The following KCNIP4 variants were observed in gnomAD, a reference collection of about 807,000 sequenced individuals.
KCNIP4 encodes the protein potassium voltage-gated channel interacting protein 4.
KCNIP4 carries 12 observed loss-of-function variants against 34.0 expected under a neutral mutation model. The ratio of observed to expected loss-of-function variants is 0.35; its 90% CI spans 0.23 to 0.57. The LOEUF (loss-of-function observed/expected upper bound fraction) is 0.57, where lower values mean the gene tolerates loss of function less well. Among genes scored for constraint, KCNIP4 ranks in the 20% least tolerant of loss-of-function variants. The pLI is 0.83. For synonymous variants in KCNIP4, 124 were observed against 102.2 expected (o/e 1.21, Z -1.29); for missense variants, 238 against 311.7 (o/e 0.76, Z 1.78).
At chr4:21,600,627 T>C (rs1743027870) in intron 1 of KCNIP4, among the ~76,000 whole-genome samples, 1 of 152,096 alleles carries the variant, frequency 6.6e-6, no homozygotes, top group Admixed American at 6.6e-5. Flanking sequence ...AATCAACTTC[T>C]CTTAAAGTTC....
intron 1 of KCNIP4, chr4:21,464,670 C>A (rs1419728620): frequency 1.3e-5 from 2 of 151,990 alleles, no homozygotes; most frequent in Middle Eastern, 6.8e-3. Context: ...CTGTTTTTTT[C>A]TATCACGCCT....
At chr4:20,807,286 G>C (rs769017570) in intron 3 of KCNIP4, among the ~76,000 whole-genome samples, 9 of 152,080 alleles carry the variant, frequency 5.9e-5, no homozygotes, top group East Asian at 1.9e-4. Flanking sequence ...GCTCATGTCA[G>C]TATAAATGGA....
chr4:20,906,792 T>A (rs1491370), intron 1 of KCNIP4, among the ~76,000 whole-genome samples: 1 of 152,080 alleles, frequency 6.6e-6, no homozygotes. Flanking sequence ...TGCCATTGCA[T>A]ATTGTAGTGA....
intron 1 of KCNIP4, among the ~76,000 whole-genome samples, chr4:21,807,614 G>T (rs1406769152): frequency 2.0e-5 from 3 of 152,148 alleles, no homozygotes; most frequent in Non-Finnish European, 4.4e-5. Context: ...TTAATAACCT[G>T]TGGCTTAAGG....
At chr4:20,878,208 C>T (rs1441440883) in intron 2 of KCNIP4, among the ~76,000 whole-genome samples, 1 of 152,158 alleles carries the variant, frequency 6.6e-6, no homozygotes, top group Admixed American at 6.5e-5. Flanking sequence ...TGGTTGGGAA[C>T]ATCAACTGAG....
intron 1 of KCNIP4, among the ~76,000 whole-genome samples, chr4:21,902,432 T>C (rs1331052865): frequency 2.0e-5 from 3 of 152,090 alleles, no homozygotes; most frequent in Non-Finnish European, 4.4e-5. Context: ...TCAAATTTGT[T>C]ATAATATAAA....
intron 1 of KCNIP4, among the ~76,000 whole-genome samples, chr4:21,655,096 C>A (rs1242357729): frequency 6.6e-6 from 1 of 152,056 alleles, no homozygotes; most frequent in Non-Finnish European, 1.5e-5. Context: ...ACGAAAGACC[C>A]AGGGGCCTAA....
At chr4:20,898,870 C>T (rs1256251561) in intron 1 of KCNIP4, among the ~76,000 whole-genome samples, 1 of 152,116 alleles carries the variant, frequency 6.6e-6, no homozygotes, top group Non-Finnish European at 1.5e-5. Flanking sequence ...AGGTACTAGG[C>T]ATTTTACATA....
chr4:21,429,658 T>C (rs1426654140), intron 1 of KCNIP4, among the ~76,000 whole-genome samples: 9 of 152,236 alleles, frequency 5.9e-5, no homozygotes, highest in Non-Finnish European at 1.5e-5. Flanking sequence ...GTGTTCTGGA[T>C]TTTGGTAATT....
At chr4:21,794,749 T>G (rs1240489083) in intron 1 of KCNIP4, among the ~76,000 whole-genome samples, 4 of 152,056 alleles carry the variant, frequency 2.6e-5, no homozygotes. Flanking sequence ...AGTGGTGGCA[T>G]GCACCTGTAA....
chr4:20,891,372 C>T (rs576457393), intron 1 of KCNIP4, among the ~76,000 whole-genome samples: 6 of 152,106 alleles, frequency 3.9e-5, no homozygotes, highest in East Asian at 3.9e-4. Context: ...TTTGGGAGTC[C>T]GAGGCGGGCT....
At chr4:21,015,575 TTAATA>T (rs531908230) in intron 1 of KCNIP4, among the ~76,000 whole-genome samples, 183 of 116,486 alleles carry the variant, frequency 1.6e-3, no homozygotes, top group African/African-American at 6.0e-3. Flanking sequence ...GTATATTGTA[TTAATA>T]TAATATAATA....
intron 1 of KCNIP4, among the ~76,000 whole-genome samples, chr4:20,906,084 C>G (rs1727733518): frequency 7.2e-6 from 1 of 138,558 alleles, no homozygotes; most frequent in African/African-American, 2.6e-5. Context: ...CTCCTTTCTT[C>G]CTTTCTTTTC....
intron 1 of KCNIP4, among the ~76,000 whole-genome samples, chr4:21,583,680 A>G (rs1741403296): frequency 6.6e-6 from 1 of 152,048 alleles, no homozygotes; most frequent in African/African-American, 2.4e-5. Flanking sequence ...AATACCGAAC[A>G]AAGCCCATTA....
At chr4:20,884,632 G>A (rs1304009180) in intron 1 of KCNIP4, among the ~76,000 whole-genome samples, 6 of 151,016 alleles carry the variant, frequency 4.0e-5, no homozygotes, top group Admixed American at 6.6e-5. Context: ...TCAAACCTCC[G>A]TGCCAGGATA....
intron 1 of KCNIP4, among the ~76,000 whole-genome samples, chr4:21,251,836 G>C (rs1364404695): frequency 2.0e-5 from 3 of 148,374 alleles, no homozygotes; most frequent in African/African-American, 7.5e-5. Context: ...CACAGGAAGG[G>C]GAACATCACA....
intron 1 of KCNIP4, among the ~76,000 whole-genome samples, chr4:21,020,452 T>C (rs1328034549): frequency 6.6e-6 from 1 of 152,102 alleles, no homozygotes; most frequent in Non-Finnish European, 1.5e-5. Flanking sequence ...ACAGAAACTA[T>C]TTGGGATGAT....
intron 1 of KCNIP4, chr4:21,849,464 A>G (rs1578067082): frequency 6.6e-6 from 1 of 152,248 alleles, no homozygotes; most frequent in East Asian, 1.9e-4. Context: ...CCTAAAAACA[A>G]AACAATTATT....
At chr4:21,444,021 C>A (rs1577369018) in intron 1 of KCNIP4, among the ~76,000 whole-genome samples, 2 of 152,256 alleles carry the variant, frequency 1.3e-5, no homozygotes, top group East Asian at 3.9e-4. Context: ...ACTAGAAAAT[C>A]TAGAAGAAAT....
Sources: gnomAD v4.1 joint callset for allele counts (sites outside exome capture counted in the v4.1 genomes callset) on GRCh38, gnomAD v4.1.1 for gene constraint, MANE v1.5 for transcripts, NCBI Gene and HGNC (gene_info 2026-07-23, HGNC 2026-07-21) for gene names.